ENKUR: variants seen among roughly 807,000 people sequenced by gnomAD.
ENKUR encodes enkurin.
A neutral mutation model predicts 27.6 loss-of-function variants in ENKUR; 19 were observed. That is an observed-to-expected ratio of 0.69 (90% confidence interval 0.48 to 1.01). The LOEUF is 1.01. ENKUR is among the 50% of genes least tolerant of loss of function. ENKUR has a pLI of 0.00. For missense variants in ENKUR, 312 were observed against 310.5 expected (o/e 1.00, Z -0.04); for synonymous variants, 117 against 96.9 (o/e 1.21, Z -1.22).
At chr10:25,023,830 T>C in intron 2 of ENKUR, 3 of 1,614,230 alleles carry the variant, frequency 1.9e-6, no homozygotes, top group Non-Finnish European at 2.5e-6. Context: ...TCGTGTTTTC[T>C]GTGAAAGTGG....
At chr10:25,056,562 A>G (rs1851258521) in intron 2 of ENKUR, among the ~76,000 whole-genome samples, 1 of 152,246 alleles carries the variant, frequency 6.6e-6, no homozygotes, top group Non-Finnish European at 1.5e-5. Context: ...CTTAGCGTTT[A>G]GAAATTGTAA....
rs1564352066 is a variant in ENKUR, at chr10:25,027,356, T to TAAAAAAAAAAAAAAAAAAAAAAAAAA, written c.38-31488_38-31487insTTTTTTTTTTTTTTTTTTTTTTTTTT. Among the ~76,000 whole-genome samples the TAAAAAAAAAAAAAAAAAAAAAAAAAA allele has an allele frequency of 2.4e-4, 11 of 45,734 alleles. 1 individual carries two copies. The highest frequency in any genetic ancestry group is 6.0e-4 in the East Asian group (1 of 1,670). The allele number at this position is 45,734 out of a possible 152,430, so 30.0% of individuals were successfully genotyped here. On this transcript the variant is annotated intron_variant, in intron 2 of 5. Transcript: ENST00000615958. The stretch of plus-strand genomic sequence containing the variant: ...TGGGTGACAGAGCAAGACTCCCGTC[T>TAAAAAAAAAAAAAAAAAAAAAAAAAA]CAAAAAAAAAAAAAAAAAAAAAAAA...
chr10:25,060,098 G>GCTTCT (rs1851309228), intron 2 of ENKUR, among the ~76,000 whole-genome samples: 1 of 152,128 alleles, frequency 6.6e-6, no homozygotes. Context: ...CTGAAGGCGG[G>GCTTCT]GTGCTTAGGA....
intron 1 of ENKUR, among the ~76,000 whole-genome samples, chr10:25,000,052 T>C (rs1213295490): frequency 2.0e-5 from 3 of 152,192 alleles, no homozygotes; most frequent in Non-Finnish European, 4.4e-5. Flanking sequence ...TTTAGGTTTT[T>C]TATTTTGAAC....
At chr10:25,024,678 C>G (rs376754802) in intron 2 of ENKUR, 1 of 1,614,074 alleles carries the variant, frequency 6.2e-7, no homozygotes, top group Admixed American at 1.7e-5. Context: ...ATCATGCTTC[C>G]GCATATCTTG....
At chr10:24,991,418 A>G (rs1327507865) in intron 3 of ENKUR, among the ~76,000 whole-genome samples, 1 of 151,878 alleles carries the variant, frequency 6.6e-6, no homozygotes, top group Non-Finnish European at 1.5e-5. Context: ...CCGAGACCCT[A>G]GCAGGCAGGC....
chr10:25,028,612 T>C (rs753952734), intron 2 of ENKUR, among the ~76,000 whole-genome samples: 2 of 152,216 alleles, frequency 1.3e-5, no homozygotes, highest in Non-Finnish European at 2.9e-5. Flanking sequence ...CATCCACCTT[T>C]TTCCCATCTG....
At chr10:25,000,715 A>C (rs924926760) in intron 1 of ENKUR, among the ~76,000 whole-genome samples, 2 of 152,096 alleles carry the variant, frequency 1.3e-5, no homozygotes, top group Non-Finnish European at 2.9e-5. Flanking sequence ...ACTGCATAGA[A>C]ATTTTATCCA....
intron 2 of ENKUR, chr10:25,024,485 T>G (rs1190736431): frequency 6.2e-7 from 1 of 1,614,202 alleles, no homozygotes; most frequent in Non-Finnish European, 8.5e-7. Context: ...GCACAAATAA[T>G]TGGCAGTCAG....
At chr10:25,058,500 G>A (rs1160271718) in intron 2 of ENKUR, among the ~76,000 whole-genome samples, 3 of 152,136 alleles carry the variant, frequency 2.0e-5, no homozygotes, top group African/African-American at 4.8e-5. Context: ...GAGTCGTTGG[G>A]ACCAGACTCA....
At chr10:25,003,506 CTG>C (rs1344403563) in intron 1 of ENKUR, among the ~76,000 whole-genome samples, 1 of 152,186 alleles carries the variant, frequency 6.6e-6, no homozygotes, top group African/African-American at 2.4e-5. Context: ...TGCGCCAAGC[CTG>C]TGTTTCTATT....
At position 25,027,356 on chromosome 10, in the gene ENKUR, T is replaced by TA. The variant is rs1564352066; in HGVS notation, c.38-31488_38-31487insT. 1.0e-3 allele frequency among the ~76,000 whole-genome samples: 46 copies of TA among 45,726 alleles called. 4 individuals are homozygous for TA. Among genetic ancestry groups the TA allele is most frequent in the East Asian group, 7.8e-3 (13 of 1,670 alleles). The allele number at this position is 45,726 out of a possible 152,430, so 30.0% of individuals were successfully genotyped here. A position where few individuals can be genotyped will look rare whatever the true frequency, so the allele number is the denominator to read the frequency against. On this transcript the variant is annotated intron_variant, in intron 2 of 5. Transcript: ENST00000615958. ...TGGGTGACAGAGCAAGACTCCCGTCTCAAAAAAAAAAAAAAAAAAAAAAAA... is the reference window on the plus strand; with the variant it reads ...TGGGTGACAGAGCAAGACTCCCGTCTACAAAAAAAAAAAAAAAAAAAAAAAA...
At chr10:25,023,863 G>A (rs1351279504) in intron 2 of ENKUR, 12 of 1,614,158 alleles carry the variant, frequency 7.4e-6, no homozygotes, top group African/African-American at 4.0e-5. Flanking sequence ...GGAGGTAGCT[G>A]ACAAAGTGCT....
chr10:24,996,542 G>C (rs950214194), intron 2 of ENKUR, among the ~76,000 whole-genome samples: 1 of 151,922 alleles, frequency 6.6e-6, no homozygotes, highest in Non-Finnish European at 1.5e-5. Context: ...TCTTCAGTTT[G>C]ATCATTCCCA....
In ENKUR at chr10:25,027,381, A is replaced by AC. The variant is rs1251163355; in HGVS notation, c.38-31513_38-31512insG. ...TCAAAAAAAAAAAAAAAAAAAAAAA[A>AC]AAAAAACTAGCCAGGCATGGTGGCG... On this transcript the variant is annotated intron_variant, in intron 2 of 5. Transcript: ENST00000615958. Among the ~76,000 whole-genome samples the AC allele has an allele frequency of 2.0e-3, 284 of 140,608 alleles. 9 individuals carry two copies. The highest frequency in any genetic ancestry group is 7.1e-3 in the African/African-American group (262 of 36,882). 92.2% of individuals were successfully genotyped at this position (140,608 alleles called of 152,430 possible).
Position 25,025,349 on chromosome 10 carries a change from TAGAG to T in ENKUR, c.38-29484_38-29481del, listed in dbSNP as rs139207606. On this transcript the variant is annotated intron_variant, in intron 2 of 5. Transcript: ENST00000615958. ...TTACCTCCACTGCATGAGGCTTTAT[TAGAG>T]AGAACAAAACAGCAAGAGAAGATGG... 3.1e-4 allele frequency: 500 copies of T among 1,614,200 alleles called. 2 individuals are homozygous for T. The highest frequency in any genetic ancestry group is 1.3e-3 in the Middle Eastern group (8 of 6,062).
At chr10:25,014,726 A>G (rs1298509534) in intron 1 of ENKUR, among the ~76,000 whole-genome samples, 1 of 152,242 alleles carries the variant, frequency 6.6e-6, no homozygotes, top group Non-Finnish European at 1.5e-5. Context: ...AAATTCTGCA[A>G]CTGTGCCATA....
At chr10:25,024,323 C>T in intron 2 of ENKUR, 1 of 1,614,158 alleles carries the variant, frequency 6.2e-7, no homozygotes, top group Non-Finnish European at 8.5e-7. Context: ...CACTGTATCC[C>T]ACCAAGTTGC....
intron 2 of ENKUR, among the ~76,000 whole-genome samples, chr10:25,053,138 C>G (rs894298609): frequency 3.3e-5 from 5 of 150,968 alleles, no homozygotes; most frequent in African/African-American, 9.7e-5. Flanking sequence ...TTCAGTTAGG[C>G]ACCTTTTTTC....
Sources: allele counts gnomAD v4.1 joint callset (sites outside exome capture counted in the v4.1 genomes callset), GRCh38; gene constraint gnomAD v4.1.1; transcripts MANE v1.5; gene names NCBI Gene and HGNC (gene_info 2026-07-23, HGNC 2026-07-21).